PAPSS1: variants seen among roughly 807,000 people sequenced by gnomAD.
PAPSS1 encodes the protein 3'-phosphoadenosine 5'-phosphosulfate synthase 1, also known as bifunctional 3'-phosphoadenosine 5'-phosphosulfate synthase 1.
Under a neutral mutation model 72.0 loss-of-function variants are expected in PAPSS1, and 50 were observed. The ratio of observed to expected loss-of-function variants is 0.69; its 90% CI spans 0.55 to 0.88. PAPSS1 has a LOEUF of 0.88. Ranked by LOEUF, PAPSS1 falls within the 40% of genes least tolerant of loss-of-function variation. PAPSS1 has a pLI of 0.00. For synonymous variants in PAPSS1, 261 were observed against 263.6 expected (o/e 0.99, Z 0.09); for missense variants, 657 against 782.2 (o/e 0.84, Z 1.91).
chr4:107,708,479 T>C (rs1723397958), intron 1 of PAPSS1, among the ~76,000 whole-genome samples: 1 of 152,240 alleles, frequency 6.6e-6, no homozygotes, highest in African/African-American at 2.4e-5. Context: ...TCCAAGTTAC[T>C]TCACTCTTTA....
chr4:107,672,423 C>T (rs999872956), intron 5 of PAPSS1, among the ~76,000 whole-genome samples: 3 of 152,236 alleles, frequency 2.0e-5, no homozygotes, highest in Non-Finnish European at 2.9e-5. Context: ...GAATTATATC[C>T]CGTGCCAGGC....
At chr4:107,614,645 G>A (rs1273519574) in intron 11 of PAPSS1, among the ~76,000 whole-genome samples, 1 of 152,104 alleles carries the variant, frequency 6.6e-6, no homozygotes, top group African/African-American at 2.4e-5. Flanking sequence ...GAAATTGTAA[G>A]AAATAATATA....
rs531016406 is a variant in PAPSS1 at position 107,672,656 on chromosome 4, A to C, written c.669+9359T>G. ...ACCTCTGGGGGCAGGGCATAGCCAA[A>C]CAAAAGGCAGCAGAAACCTCTGCAG... On this transcript the variant is annotated intron_variant, in intron 5 of 11. Transcript: ENST00000265174. 4.1e-3 allele frequency among the ~76,000 whole-genome samples: 632 copies of C among 152,332 alleles called. 9 individuals carry two copies. Among genetic ancestry groups the C allele is most frequent in the African/African-American group, 0.014 (592 of 41,588 alleles).
Position 107,644,975 on chromosome 4 carries a change from G to C in PAPSS1, c.1333C>G (p.Arg445Gly). 6.2e-7 allele frequency: 1 copy of C among 1,613,476 alleles called. No individual in the cohort carries two copies. Among genetic ancestry groups the C allele is most frequent in the Non-Finnish European group, 8.5e-7 (1 of 1,179,636 alleles). The change falls in exon 10 of 12, where the codon CGG becomes GGG. Residue 445 changes from arginine to glycine, a missense_variant. Arg to Gly is a moderately radical substitution (Grantham distance 125). Transcript: ENST00000265174. ...GGGTGGAGGAGGAGGACAGGGCGCC[G>C]GTAGCCCCTCTCTAGAAGTTGCTTA... is the stretch of plus-strand genomic sequence containing the variant. ...THKQLLERGY[R>G]RPVLLLHPLG...
rs1725766159 is a variant in PAPSS1 at position 107,614,381 on chromosome 4, T to A, written c.1743A>T (p.Glu581Asp). The change falls in exon 12 of 12, where the codon GAA (glutamate) becomes GAT (aspartate). Residue 581 changes from glutamate to aspartate, a missense_variant. Glu to Asp is a conservative substitution (Grantham distance 45). Transcript: ENST00000265174. ...RMDYYDSEHH[E>D]DFEFISGTRM... is the part of the protein sequence containing the mutation. ...GTGTTCCTGAAATAAATTCAAAGTC[T>A]TCATGGCTAAAGGAGAGGAAAAAAA... is the stretch of plus-strand genomic sequence containing the variant. 1 of 1,612,846 alleles carries A rather than the reference T, an allele frequency of 6.2e-7. No homozygotes were observed. Among genetic ancestry groups the A allele is most frequent in the Non-Finnish European group, 8.5e-7 (1 of 1,179,266 alleles).
intron 11 of PAPSS1, among the ~76,000 whole-genome samples, chr4:107,615,085 A>T (rs1011291897): frequency 2.0e-5 from 2 of 98,078 alleles, no homozygotes; most frequent in African/African-American, 7.1e-5. Context: ...AGTAAAATTG[A>T]ATTTTTTTTC....
chr4:107,648,076 T>C (rs1288512155), intron 9 of PAPSS1, among the ~76,000 whole-genome samples: 2 of 152,228 alleles, frequency 1.3e-5, no homozygotes, highest in Non-Finnish European at 2.9e-5. Flanking sequence ...TGCATGTCTA[T>C]GTGAAGGAAC....
intron 4 of PAPSS1, among the ~76,000 whole-genome samples, chr4:107,684,074 A>G (rs1473585977): frequency 1.3e-5 from 2 of 152,208 alleles, no homozygotes; most frequent in African/African-American, 4.8e-5. Flanking sequence ...AGTAAACAAG[A>G]AACTGGACTA....
At chr4:107,631,919 G>T in intron 10 of PAPSS1, 59 bp from the exon 11 acceptor site, 1 of 1,042,834 alleles carries the variant, frequency 9.6e-7, no homozygotes, top group Non-Finnish European at 1.4e-6. Flanking sequence ...CTTAGAAATA[G>T]TAAGTGGATA....
At chr4:107,635,195 T>C (rs903945809) in intron 10 of PAPSS1, among the ~76,000 whole-genome samples, 1 of 152,220 alleles carries the variant, frequency 6.6e-6, no homozygotes, top group African/African-American at 2.4e-5. Context: ...TACACTTTTT[T>C]AGATAGACTT....
intron 10 of PAPSS1, among the ~76,000 whole-genome samples, chr4:107,641,110 C>T (rs199821092): frequency 1.3e-5 from 2 of 152,348 alleles, no homozygotes; most frequent in East Asian, 3.9e-4. Context: ...GCCCTCTAAG[C>T]CTTGACCTTC....
chr4:107,685,448 G>A lies in PAPSS1; in HGVS notation c.550+1591C>T, dbSNP rs180905260. Among the ~76,000 whole-genome samples the A allele has an allele frequency of 2.6e-5, 4 of 152,268 alleles. No homozygotes were observed. In the East Asian group the frequency reaches 7.7e-4, roughly 29 times the overall value. On this transcript the variant is annotated intron_variant, in intron 4 of 11. Coordinates refer to ENST00000265174, the MANE Select transcript of PAPSS1 (RefSeq NM_005443.5). The stretch of plus-strand genomic sequence containing the variant: ...AGGTTTAGACTTTATTTAGGATCCT[G>A]GACACACCATTTTGCTTTTCTGTGC...
In PAPSS1 at chr4:107,614,002, C is replaced by A. The variant is rs1019893626; in HGVS notation, c.*247G>T. The A allele has an allele frequency of 3.6e-6, 1 of 276,230 alleles. No individual in the cohort carries two copies. The highest frequency in any genetic ancestry group is 6.7e-6 in the Non-Finnish European group (1 of 149,938). 17.1% of individuals were successfully genotyped at this position (276,230 alleles called of 1,614,324 possible). A position where few individuals can be genotyped will look rare whatever the true frequency, so the allele number is the denominator to read the frequency against. On this transcript the variant is annotated 3_prime_UTR_variant, in exon 12 of 12. Transcript: ENST00000265174. ...GAAGCATAAATATAATATAAAAAGA[C>A]AATTTTAAAATTGTATTGTAGGAAT...
At chr4:107,695,500 C>T (rs1193369226) in intron 2 of PAPSS1, among the ~76,000 whole-genome samples, 3 of 152,046 alleles carry the variant, frequency 2.0e-5, no homozygotes, top group African/African-American at 4.8e-5. Context: ...CTTGCCTGAT[C>T]GCCCTGGCCA....
intron 5 of PAPSS1, among the ~76,000 whole-genome samples, chr4:107,676,782 C>T (rs1414312777): frequency 1.3e-5 from 2 of 152,176 alleles, no homozygotes. Context: ...TGACTTCAAA[C>T]TATACTACAA....
intron 10 of PAPSS1, among the ~76,000 whole-genome samples, chr4:107,640,823 A>T (rs1726518724): frequency 6.6e-6 from 1 of 152,222 alleles, no homozygotes; most frequent in African/African-American, 2.4e-5. Flanking sequence ...CTTCCTGAAA[A>T]GAACCACATC....
At chr4:107,710,790 CAA>C (rs1365095475) in intron 1 of PAPSS1, among the ~76,000 whole-genome samples, 1 of 152,196 alleles carries the variant, frequency 6.6e-6, no homozygotes, top group Admixed American at 6.5e-5. Context: ...TGTCCATCTG[CAA>C]AGATGGACAG....
chr4:107,624,451 A>G (rs1339208129), intron 11 of PAPSS1, among the ~76,000 whole-genome samples: 1 of 152,202 alleles, frequency 6.6e-6, no homozygotes, highest in African/African-American at 2.4e-5. Context: ...AGTACCTACA[A>G]CCTAGCAATG....
intron 11 of PAPSS1, among the ~76,000 whole-genome samples, chr4:107,621,473 A>G (rs1345722901): frequency 6.6e-6 from 1 of 152,036 alleles, no homozygotes; most frequent in East Asian, 1.9e-4. Context: ...AATTTTTCTC[A>G]AACATATTTT....
Sources: gnomAD v4.1 joint callset for allele counts (sites outside exome capture counted in the v4.1 genomes callset) on GRCh38, gnomAD v4.1.1 for gene constraint, MANE v1.5 for transcripts, NCBI Gene and HGNC (gene_info 2026-07-23, HGNC 2026-07-21) for gene names.